Variants in SYNE3 observed in about 807,000 individuals in gnomAD.
The protein encoded by SYNE3 is nesprin-3.
A neutral mutation model predicts 111.2 loss-of-function variants in SYNE3; 100 were observed. The observed-to-expected ratio is 0.90, with a 90% confidence interval of 0.77 to 1.06. The LOEUF (loss-of-function observed/expected upper bound fraction) is 1.06. Among genes scored for constraint, SYNE3 ranks in the 50% least tolerant of loss-of-function variants. The pLI is 0.00. For missense variants in SYNE3, 1,160 were observed against 1,240.3 expected, an observed-to-expected ratio of 0.94 and a Z score of 0.97; for synonymous variants, 547 against 533.9, an observed-to-expected ratio of 1.02 and a Z score of -0.34.
rs1401136803 is a variant in SYNE3, at chr14:95,444,473, C to T, written c.1776+12G>A. ...CTGGGCAGGAGTGATTCAGGCCTCA[C>T]AGACCCCTCACCTGCAACCTTGAGA... On this transcript the variant is annotated intron_variant, in intron 10 of 17. Coordinates refer to ENST00000682763, the MANE Select transcript of SYNE3 (RefSeq NM_152592.6). 6.2e-7 allele frequency: 1 copy of T among 1,600,972 alleles called. No individual in the cohort carries two copies. The highest frequency in any genetic ancestry group is 8.5e-7 in the Non-Finnish European group (1 of 1,172,256).
In SYNE3 at chr14:95,438,968, A is replaced by T. The variant is rs540800279; in HGVS notation, c.2376+65T>A. ...AGACAGGGAGGGGCCTGTGCTGGAG[A>T]CCCCTACCCACCTCTTGACCTGGGG... is the stretch of plus-strand genomic sequence containing the variant. On this transcript the variant is annotated intron_variant, in intron 14 of 17. Coordinates refer to ENST00000682763, the MANE Select transcript of SYNE3 (RefSeq NM_152592.6). The T allele has an allele frequency of 1.7e-5, 27 of 1,598,334 alleles. No individual in the cohort carries two copies. The South Asian group carries it at 2.8e-4, about 16-fold the overall frequency.
At chr14:95,450,217 G>A in intron 7 of SYNE3, 112 bp from the exon 8 acceptor site, 2 of 1,306,574 alleles carry the variant, frequency 1.5e-6, no homozygotes, top group African/African-American at 1.5e-5. Context: ...CTCCCAGGGT[G>A]GGCCTTCTCC....
chr14:95,498,626 T>C (rs950466686), intron 1 of SYNE3, among the ~76,000 whole-genome samples: 1 of 152,234 alleles, frequency 6.6e-6, no homozygotes, highest in African/African-American at 2.4e-5. Flanking sequence ...CTTTGAAGTA[T>C]GTATAGAATA....
chr14:95,487,899 C>A (rs1023961398), intron 1 of SYNE3, among the ~76,000 whole-genome samples: 2 of 137,900 alleles, frequency 1.5e-5, no homozygotes, highest in African/African-American at 5.8e-5. Flanking sequence ...CTCGAGACAG[C>A]AAGACCAACC....
chr14:95,514,963 G>A (rs992639693), intron 1 of SYNE3, among the ~76,000 whole-genome samples: 1 of 152,238 alleles, frequency 6.6e-6, no homozygotes, highest in African/African-American at 2.4e-5. Flanking sequence ...CACCCGAGCA[G>A]GAGCCTTGTT....
chr14:95,461,966 C>T lies in SYNE3; in HGVS notation c.627+3965G>A, dbSNP rs1210157709. ...CTGGGGACACCCAGGAGGTCAATGCCGGGGGCTGCATCCCACCTTGCTGAT... is the reference window on the plus strand; with the variant it reads ...CTGGGGACACCCAGGAGGTCAATGCTGGGGGCTGCATCCCACCTTGCTGAT... On this transcript the variant is annotated intron_variant, in intron 4 of 17. Transcript: ENST00000682763. 3.3e-5 allele frequency among the ~76,000 whole-genome samples: 5 copies of T among 152,266 alleles called. No homozygotes were observed. The East Asian group carries it at 5.8e-4, about 18-fold the overall frequency.
intron 1 of SYNE3, among the ~76,000 whole-genome samples, chr14:95,504,114 T>C (rs1026665338): frequency 3.9e-5 from 6 of 152,218 alleles, no homozygotes; most frequent in Non-Finnish European, 5.9e-5. Flanking sequence ...AGAATAATAA[T>C]GTTTCATGGC....
intron 17 of SYNE3, among the ~76,000 whole-genome samples, chr14:95,422,768 A>G (rs1885201672): frequency 6.6e-6 from 1 of 152,134 alleles, no homozygotes; most frequent in Admixed American, 6.5e-5. Flanking sequence ...CCTCTCATGA[A>G]ACCCTCACTG....
rs557024595 is a variant in SYNE3 at position 95,417,104 on chromosome 14, G to C, written c.*722C>G. 1 of 154,484 alleles carries C rather than the reference G, an allele frequency of 6.5e-6. No homozygotes were observed. The highest frequency in any genetic ancestry group is 1.9e-4 in the East Asian group (1 of 5,218). The allele number at this position is 154,484 out of a possible 1,614,324, so 9.6% of individuals were successfully genotyped here. On this transcript the variant is annotated 3_prime_UTR_variant, in exon 18 of 18. Coordinates refer to ENST00000682763, the MANE Select transcript of SYNE3 (RefSeq NM_152592.6). ...CGCTGAGAGCTGGGGTTAGGGCTCC[G>C]GCATGCAATGCCTCCACACAGCTGT... is the stretch of plus-strand genomic sequence containing the variant.
At chr14:95,466,748 A>G (rs183203072) in intron 3 of SYNE3, among the ~76,000 whole-genome samples, 2 of 152,310 alleles carry the variant, frequency 1.3e-5, no homozygotes, top group Admixed American at 6.5e-5. Context: ...TGTCTTTACT[A>G]ACAGCAGGCA....
intron 7 of SYNE3, chr14:95,451,220 G>A (rs1005898216): frequency 6.6e-6 from 1 of 152,226 alleles, no homozygotes; most frequent in Admixed American, 6.5e-5. Context: ...GGATGGCCCA[G>A]CTTCATGACC....
At chr14:95,501,251 G>T (rs1890323668) in intron 1 of SYNE3, among the ~76,000 whole-genome samples, 2 of 152,180 alleles carry the variant, frequency 1.3e-5, no homozygotes. Context: ...ATATGTTCTT[G>T]TTTATTTATT....
chr14:95,421,692 CCCA>C (rs1307071917), intron 17 of SYNE3, among the ~76,000 whole-genome samples: 2 of 152,196 alleles, frequency 1.3e-5, no homozygotes, highest in Non-Finnish European at 2.9e-5. Flanking sequence ...TCCTGCAAGC[CCCA>C]CAAGCTTCCC....
chr14:95,498,075 CAT>C (rs1890173032), intron 1 of SYNE3, among the ~76,000 whole-genome samples: 2 of 150,960 alleles, frequency 1.3e-5, no homozygotes, highest in South Asian at 2.1e-4. Context: ...GCAGTGAAAT[CAT>C]GTGTACATTT....
chr14:95,423,092 G>A (rs975357806), intron 17 of SYNE3, among the ~76,000 whole-genome samples: 8 of 152,362 alleles, frequency 5.3e-5, no homozygotes, highest in African/African-American at 1.4e-4. Context: ...TGGGCAGGGG[G>A]CTGGGTTCGT....
intron 1 of SYNE3, among the ~76,000 whole-genome samples, chr14:95,507,929 T>C (rs1235690824): frequency 2.0e-5 from 3 of 152,210 alleles, no homozygotes; most frequent in African/African-American, 7.2e-5. Flanking sequence ...TTGGTGTTCC[T>C]AGCCCATGTG....
chr14:95,512,345 G>A (rs913725494), intron 1 of SYNE3, among the ~76,000 whole-genome samples: 23 of 152,202 alleles, frequency 1.5e-4, no homozygotes, highest in South Asian at 2.1e-4. Flanking sequence ...ATATATAATG[G>A]AATATATGCG....
chr14:95,448,062 A>G (rs549369993), intron 8 of SYNE3, among the ~76,000 whole-genome samples: 52 of 152,378 alleles, frequency 3.4e-4, no homozygotes, highest in Admixed American at 9.1e-4. Context: ...ATGATTTTAA[A>G]TGATGCTGAG....
chr14:95,463,925 A>G (rs1888003171), intron 4 of SYNE3, among the ~76,000 whole-genome samples: 1 of 152,234 alleles, frequency 6.6e-6, no homozygotes, highest in South Asian at 2.1e-4. Flanking sequence ...AATGCTTGCC[A>G]GTTTTCAAAG....
Sources: allele counts gnomAD v4.1 joint callset (sites outside exome capture counted in the v4.1 genomes callset), GRCh38; gene constraint gnomAD v4.1.1; transcripts MANE v1.5; gene names NCBI Gene and HGNC (gene_info 2026-07-23, HGNC 2026-07-21).